The following PPP4R4 variants were observed in gnomAD, a reference collection of about 807,000 sequenced individuals.
PPP4R4 encodes the protein serine/threonine-protein phosphatase 4 regulatory subunit 4.
Under a neutral mutation model 121.8 loss-of-function variants are expected in PPP4R4, and 70 were observed. That is an observed-to-expected ratio of 0.57 (90% CI 0.47 to 0.70). PPP4R4 has a LOEUF of 0.70. PPP4R4 is among the 30% of genes least tolerant of loss of function. PPP4R4 has a pLI of 0.00. For synonymous variants in PPP4R4, 348 were observed against 355.7 expected (o/e 0.98, Z 0.24); for missense variants, 875 against 1,033.6 (o/e 0.85, Z 2.10).
Position 94,174,379 on chromosome 14 carries a change from A to C in PPP4R4, c.-87A>C. On this transcript the variant is annotated 5_prime_UTR_variant, in exon 1 of 25. Coordinates refer to ENST00000304338, the MANE Select transcript of PPP4R4 (RefSeq NM_058237.2). ...GCTCCAGCGGCCAAGAGCCGGAGAAAGTCCTGCTGGTGGGCGGCCGCGGGG... is the reference window on the plus strand; with the variant it reads ...GCTCCAGCGGCCAAGAGCCGGAGAACGTCCTGCTGGTGGGCGGCCGCGGGG... 1 of 1,190,390 alleles carries C rather than the reference A, an allele frequency of 8.4e-7. No homozygotes were observed. The highest frequency in any genetic ancestry group is 1.1e-6 in the Non-Finnish European group (1 of 930,082). 73.7% of individuals were successfully genotyped at this position (1,190,390 alleles called of 1,614,324 possible).
intron 24 of PPP4R4, among the ~76,000 whole-genome samples, chr14:94,276,455 G>A (rs756280565): frequency 4.6e-5 from 7 of 152,208 alleles, no homozygotes; most frequent in Non-Finnish European, 1.0e-4. Flanking sequence ...GAAGCATAGC[G>A]GCATCTGCTT....
chr14:94,230,972 T>C (rs544478942), intron 4 of PPP4R4, among the ~76,000 whole-genome samples: 1 of 152,270 alleles, frequency 6.6e-6, no homozygotes, highest in African/African-American at 2.4e-5. Context: ...TTCTTGTTAC[T>C]TTTTTTCCTT....
chr14:94,195,760 T>C (rs578116597), intron 2 of PPP4R4, among the ~76,000 whole-genome samples: 2 of 152,280 alleles, frequency 1.3e-5, no homozygotes, highest in South Asian at 4.1e-4. Context: ...TAACCCAGTT[T>C]CTTTTCCTTC....
At chr14:94,177,096 G>A (rs1258865905) in intron 2 of PPP4R4, among the ~76,000 whole-genome samples, 1 of 151,622 alleles carries the variant, frequency 6.6e-6, no homozygotes, top group African/African-American at 2.4e-5. Context: ...TCCCTCTCCA[G>A]GTCTTCAATT....
intron 3 of PPP4R4, among the ~76,000 whole-genome samples, chr14:94,229,859 C>A (rs1891917487): frequency 6.6e-6 from 1 of 152,132 alleles, no homozygotes; most frequent in Non-Finnish European, 1.5e-5. Context: ...CTCTCTATCT[C>A]TCTCTCTCAT....
intron 6 of PPP4R4, 107 bp downstream of exon 6, chr14:94,233,866 GTTATC>G (rs1364930981): frequency 4.4e-5 from 33 of 747,858 alleles, no homozygotes; most frequent in Middle Eastern, 3.0e-4. Flanking sequence ...TACAAATTTA[GTTATC>G]TTAACTATTT....
At chr14:94,238,440 G>A (rs1380390416) in intron 8 of PPP4R4, among the ~76,000 whole-genome samples, 1 of 152,174 alleles carries the variant, frequency 6.6e-6, no homozygotes, top group Non-Finnish European at 1.5e-5. Context: ...CATTAAGACA[G>A]ATCCTGAGAC....
chr14:94,218,183 A>G (rs1451601489), intron 3 of PPP4R4, among the ~76,000 whole-genome samples: 6 of 152,212 alleles, frequency 3.9e-5, no homozygotes, highest in Non-Finnish European at 5.9e-5. Context: ...TTGAGACAGC[A>G]TAAAAAGAGA....
intron 19 of PPP4R4, among the ~76,000 whole-genome samples, chr14:94,260,135 A>T (rs976798179): frequency 2.0e-5 from 3 of 152,104 alleles, no homozygotes; most frequent in Non-Finnish European, 2.9e-5. Context: ...AACTAAATTT[A>T]AAAAAATGGC....
At chr14:94,210,440 A>G (rs1323602759) in intron 3 of PPP4R4, among the ~76,000 whole-genome samples, 1 of 151,976 alleles carries the variant, frequency 6.6e-6, no homozygotes, top group Non-Finnish European at 1.5e-5. Context: ...CTTTAAAAGT[A>G]ATGAAAATTA....
intron 2 of PPP4R4, among the ~76,000 whole-genome samples, chr14:94,188,157 ATC>A (rs1302654027): frequency 6.6e-6 from 1 of 152,024 alleles, no homozygotes; most frequent in Admixed American, 6.5e-5. Context: ...CGGGTATTGA[ATC>A]TTGTAGAATT....
intron 23 of PPP4R4, among the ~76,000 whole-genome samples, chr14:94,273,512 T>C (rs58318818): frequency 0.013 from 1,970 of 152,182 alleles, 42 homozygotes; most frequent in African/African-American, 0.045. Context: ...GTGAAAACAC[T>C]CTGTATGATA....
chr14:94,189,204 A>G (rs1889461518), intron 2 of PPP4R4, among the ~76,000 whole-genome samples: 1 of 152,206 alleles, frequency 6.6e-6, no homozygotes, highest in South Asian at 2.1e-4. Flanking sequence ...TGACCCTGAT[A>G]GTAACTAGCT....
intron 3 of PPP4R4, chr14:94,227,929 T>C: frequency 2.1e-6 from 2 of 951,296 alleles, no homozygotes; most frequent in Non-Finnish European, 2.5e-6. Context: ...AAGAAATGTT[T>C]CTTTTGGGAA....
intron 3 of PPP4R4, among the ~76,000 whole-genome samples, chr14:94,218,375 G>A (rs183793102): frequency 9.0e-5 from 12 of 133,970 alleles, no homozygotes; most frequent in Non-Finnish European, 1.6e-4. Flanking sequence ...CCTAGACACC[G>A]CACGCGCGTG....
chr14:94,237,467 A>C, intron 7 of PPP4R4, 98 bp from the exon 8 acceptor site: 1 of 1,151,154 alleles, frequency 8.7e-7, no homozygotes, highest in Middle Eastern at 2.2e-4. Context: ...ATGATTTTTC[A>C]TATTTTCTGC....
intron 17 of PPP4R4, among the ~76,000 whole-genome samples, chr14:94,257,024 T>C (rs1483786640): frequency 6.6e-6 from 1 of 152,144 alleles, no homozygotes; most frequent in Admixed American, 6.5e-5. Flanking sequence ...TGTTTGACTT[T>C]ATAGAAGTTA....
chr14:94,265,615 T>C (rs1409033449), intron 21 of PPP4R4, 142 bp downstream of exon 21: 10 of 850,412 alleles, frequency 1.2e-5, no homozygotes, highest in Middle Eastern at 2.3e-4. Context: ...TCATTAGGTG[T>C]TTTGGTAGTT....
intron 11 of PPP4R4, among the ~76,000 whole-genome samples, 154 bp downstream of exon 11, chr14:94,242,562 C>A (rs2139572814): frequency 6.6e-6 from 1 of 151,850 alleles, no homozygotes; most frequent in South Asian, 2.1e-4. Flanking sequence ...TAATTTTCTT[C>A]TTTTTTAGTA....
Sources: gnomAD v4.1 joint callset for allele counts (sites outside exome capture counted in the v4.1 genomes callset) on GRCh38, gnomAD v4.1.1 for gene constraint, MANE v1.5 for transcripts, NCBI Gene and HGNC (gene_info 2026-07-23, HGNC 2026-07-21) for gene names.